The following SH3PXD2A variants were observed in gnomAD, a reference collection of about 807,000 sequenced individuals.
SH3PXD2A encodes the protein SH3 and PX domains 2A, also known as SH3 and PX domain-containing protein 2A.
A neutral mutation model predicts 115.2 loss-of-function variants in SH3PXD2A; 32 were observed. The observed-to-expected ratio is 0.28, with a 90% CI of 0.21 to 0.37. The LOEUF (loss-of-function observed/expected upper bound fraction) is 0.37, where lower values mean the gene tolerates loss of function less well. SH3PXD2A is among the 10% of genes least tolerant of loss of function. The probability of loss-of-function intolerance (pLI) is 1.00; values close to 1 mark genes in which losing one functional copy is unlikely to be tolerated. For missense variants in SH3PXD2A, 1,328 were observed against 1,498.7 expected, an observed-to-expected ratio of 0.89 and a Z score of 1.88; for synonymous variants, 610 against 629.1, an observed-to-expected ratio of 0.97 and a Z score of 0.45.
intron 5 of SH3PXD2A, among the ~76,000 whole-genome samples, chr10:103,719,253 G>A (rs1188358436): frequency 6.6e-6 from 1 of 152,204 alleles, no homozygotes; most frequent in African/African-American, 2.4e-5. Flanking sequence ...GGTGGGGAGC[G>A]GGTGCTGACG....
At chr10:103,801,192 C>G (rs1455953311) in intron 2 of SH3PXD2A, 90 bp downstream of exon 2, 3 of 781,618 alleles carry the variant, frequency 3.8e-6, no homozygotes, top group Non-Finnish European at 6.7e-6. Context: ...CCTGACAGCT[C>G]TCTTGGGGGC....
At chr10:103,668,489 C>A in intron 7 of SH3PXD2A, 119 bp downstream of exon 7, 1 of 893,414 alleles carries the variant, frequency 1.1e-6, no homozygotes, top group South Asian at 1.5e-5. Flanking sequence ...CCCTGCCATG[C>A]TGGCAAACAG....
At chr10:103,766,531 T>C (rs888726912) in intron 3 of SH3PXD2A, among the ~76,000 whole-genome samples, 19 of 152,104 alleles carry the variant, frequency 1.2e-4, no homozygotes, top group African/African-American at 4.3e-4. Context: ...AAAAAAGCAC[T>C]CCATGGCTAT....
intron 9 of SH3PXD2A, among the ~76,000 whole-genome samples, chr10:103,626,676 C>T (rs1324937508): frequency 1.3e-5 from 2 of 150,660 alleles, no homozygotes; most frequent in African/African-American, 4.9e-5. Context: ...CCTGTAATTC[C>T]AGCACTTTGG....
Position 103,747,892 on chromosome 10 carries a change from C to T in SH3PXD2A, c.230-12084G>A, listed in dbSNP as rs147807503. 2.2e-3 allele frequency among the ~76,000 whole-genome samples: 335 copies of T among 152,198 alleles called. 1 individual carries two copies. The highest frequency in any genetic ancestry group is 7.6e-3 in the African/African-American group (316 of 41,498). On this transcript the variant is annotated intron_variant, in intron 3 of 14. Coordinates refer to ENST00000369774, the MANE Select transcript of SH3PXD2A (RefSeq NM_001394015.1). ...CTTGAACTCCTGGGCTCAAGCAATC[C>T]ACCCACTTCAGCCTCCCAAAGTGCT...
chr10:103,826,696 G>C (rs936211327), intron 1 of SH3PXD2A, among the ~76,000 whole-genome samples: 1 of 152,228 alleles, frequency 6.6e-6, no homozygotes, highest in Admixed American at 6.5e-5. Flanking sequence ...TCTGGTTAAT[G>C]TCAGTCATCT....
intron 8 of SH3PXD2A, among the ~76,000 whole-genome samples, chr10:103,652,793 T>C (rs902993): frequency 0.88 from 134,034 of 152,148 alleles, 59,149 homozygotes; most frequent in East Asian, 1. Flanking sequence ...ATCTCCAGGG[T>C]TGCCCACTCA....
intron 13 of SH3PXD2A, among the ~76,000 whole-genome samples, chr10:103,607,486 G>C (rs1203776292): frequency 6.6e-6 from 1 of 151,836 alleles, no homozygotes; most frequent in Admixed American, 6.5e-5. Context: ...GGGAGGTGAG[G>C]AGCCCCTCTG....
At chr10:103,729,484 G>C (rs2038288089) in intron 4 of SH3PXD2A, among the ~76,000 whole-genome samples, 1 of 152,218 alleles carries the variant, frequency 6.6e-6, no homozygotes, top group Admixed American at 6.5e-5. Flanking sequence ...TAGAGCTCAG[G>C]TGAGCTCAGA....
intron 2 of SH3PXD2A, among the ~76,000 whole-genome samples, chr10:103,783,458 G>GC (rs2038952163): frequency 3.4e-4 from 4 of 11,668 alleles, no homozygotes; most frequent in Non-Finnish European, 1.4e-3. Flanking sequence ...CTGGGGGGCA[G>GC]AGTCTGAGAA....
intron 1 of SH3PXD2A, among the ~76,000 whole-genome samples, chr10:103,845,430 C>T (rs776753459): frequency 6.6e-6 from 1 of 151,756 alleles, no homozygotes; most frequent in Non-Finnish European, 1.5e-5. Flanking sequence ...AAGATGGCAA[C>T]GAGAGTGACC....
At chr10:103,650,712 A>G (rs889929683) in intron 8 of SH3PXD2A, among the ~76,000 whole-genome samples, 2 of 151,994 alleles carry the variant, frequency 1.3e-5, no homozygotes, top group African/African-American at 4.8e-5. Context: ...ACTTGACAGT[A>G]TTCATGAAAG....
intron 10 of SH3PXD2A, 78 bp from the exon 11 acceptor site, chr10:103,617,392 G>A: frequency 9.5e-7 from 1 of 1,048,762 alleles, no homozygotes; most frequent in Non-Finnish European, 1.5e-6. Flanking sequence ...CTCCTGCCCT[G>A]GCCTGGCTTT....
intron 1 of SH3PXD2A, among the ~76,000 whole-genome samples, chr10:103,826,485 T>G (rs2039431339): frequency 6.6e-6 from 1 of 152,156 alleles, no homozygotes; most frequent in African/African-American, 2.4e-5. Context: ...AGCCCAGAAC[T>G]CCATCCCAGG....
At chr10:103,794,146 G>A (rs914464631) in intron 2 of SH3PXD2A, among the ~76,000 whole-genome samples, 2 of 152,202 alleles carry the variant, frequency 1.3e-5, no homozygotes, top group Non-Finnish European at 2.9e-5. Context: ...GAGGTGGGCT[G>A]TTGGGGAGCT....
intron 3 of SH3PXD2A, among the ~76,000 whole-genome samples, chr10:103,760,876 A>T (rs1029649374): frequency 3.3e-5 from 5 of 152,006 alleles, no homozygotes; most frequent in Non-Finnish European, 7.4e-5. Context: ...TTAAAAGAAT[A>T]TTTTTTTTAA....
chr10:103,655,370 T>C (rs2037195329), intron 8 of SH3PXD2A, among the ~76,000 whole-genome samples: 1 of 152,226 alleles, frequency 6.6e-6, no homozygotes, highest in African/African-American at 2.4e-5. Context: ...GGGACACTTC[T>C]TTTCTAGGAG....
Position 103,612,923 on chromosome 10 carries a change from G to T in SH3PXD2A, c.1188C>A (p.Asp396Glu). 1 of 1,613,180 alleles carries T rather than the reference G, an allele frequency of 6.2e-7. No individual in the cohort carries two copies. The highest frequency in any genetic ancestry group is 8.5e-7 in the Non-Finnish European group (1 of 1,179,542). ...ASNGSAVGVP[D>E]RTVSRLAQGS... is the part of the protein sequence containing the mutation. ...CCTGGGCCAGCCTGGAGACAGTCCT[G>T]TCAGGAACGCCCACGGCACTGCCAT... is the stretch of plus-strand genomic sequence containing the variant. Residue 396 changes from aspartate to glutamate, a missense_variant, in exon 12 of 15, where the codon GAC becomes GAA. By Grantham distance (45) the Asp-to-Glu change is conservative (BLOSUM62 2). Coordinates refer to ENST00000369774, the MANE Select transcript of SH3PXD2A (RefSeq NM_001394015.1).
chr10:103,607,915 G>A (rs2036350614), intron 13 of SH3PXD2A, among the ~76,000 whole-genome samples: 1 of 151,886 alleles, frequency 6.6e-6, no homozygotes, highest in Non-Finnish European at 1.5e-5. Flanking sequence ...ATTGAGGTCG[G>A]TGCAAGATGT....
Sources: allele counts gnomAD v4.1 joint callset (sites outside exome capture counted in the v4.1 genomes callset), GRCh38; gene constraint gnomAD v4.1.1; transcripts MANE v1.5; gene names NCBI Gene and HGNC (gene_info 2026-07-23, HGNC 2026-07-21).